The following BPTF variants were observed in gnomAD, a reference collection of about 807,000 sequenced individuals.
BPTF encodes nucleosome-remodeling factor subunit BPTF.
BPTF carries 18 observed loss-of-function variants against 292.5 expected under a neutral mutation model. That is an observed-to-expected ratio of 0.06 (90% CI 0.04 to 0.09). The LOEUF (loss-of-function observed/expected upper bound fraction) is 0.09. Ranked by LOEUF, BPTF falls within the 10% of genes least tolerant of loss-of-function variation. BPTF has a pLI of 1.00. For missense variants in BPTF, 2,726 were observed against 3,498.7 expected, an observed-to-expected ratio of 0.78 and a Z score of 5.57; for synonymous variants, 1,225 against 1,251.9, an observed-to-expected ratio of 0.98 and a Z score of 0.45.
intron 7 of BPTF, among the ~76,000 whole-genome samples, chr17:67,896,218 T>C (rs1438749638): frequency 6.6e-6 from 1 of 152,186 alleles, no homozygotes; most frequent in Non-Finnish European, 1.5e-5. Context: ...CGCCTTGGCC[T>C]CCCAAAGTGC....
intron 4 of BPTF, among the ~76,000 whole-genome samples, chr17:67,876,741 G>T (rs2060072708): frequency 6.6e-6 from 1 of 152,192 alleles, no homozygotes; most frequent in African/African-American, 2.4e-5. Flanking sequence ...ACGAGGTAGA[G>T]GTTGCAGTGA....
chr17:67,960,665 T>A (rs2067392580), intron 24 of BPTF, among the ~76,000 whole-genome samples: 1 of 152,202 alleles, frequency 6.6e-6, no homozygotes, highest in South Asian at 2.1e-4. Context: ...CCACCATACT[T>A]TTTACAGGAC....
At chr17:67,870,766 CTTTTTTTTTTTT>C (rs11418428) in intron 3 of BPTF, among the ~76,000 whole-genome samples, 44 of 106,380 alleles carry the variant, frequency 4.1e-4, no homozygotes, top group Non-Finnish European at 6.4e-4. Flanking sequence ...TGCTTCATTT[CTTTTTTTTTTTT>C]TTTTTTTTTG....
chr17:67,845,786 T>A (rs1191640555), intron 1 of BPTF, among the ~76,000 whole-genome samples: 1 of 149,676 alleles, frequency 6.7e-6, no homozygotes, highest in Non-Finnish European at 1.5e-5. Flanking sequence ...ATATATATAT[T>A]TTATTTTATA....
intron 24 of BPTF, 150 bp downstream of exon 24, chr17:67,960,025 C>A: frequency 1.6e-6 from 1 of 627,282 alleles, no homozygotes; most frequent in Non-Finnish European, 2.6e-6. Context: ...ATGTGATATT[C>A]TTACCATTGA....
chr17:67,898,264 G>A (rs947017759), intron 7 of BPTF, among the ~76,000 whole-genome samples: 3 of 152,158 alleles, frequency 2.0e-5, no homozygotes, highest in Non-Finnish European at 4.4e-5. Flanking sequence ...AGGAGGCTGA[G>A]GCAGGAGAAC....
At chr17:67,962,905 A>G (rs1423951192) in intron 24 of BPTF, among the ~76,000 whole-genome samples, 3 of 152,218 alleles carry the variant, frequency 2.0e-5, no homozygotes, top group Non-Finnish European at 2.9e-5. Context: ...TACATTTTCA[A>G]ACCTATCTAA....
intron 26 of BPTF, 140 bp from the exon 27 acceptor site, chr17:67,975,632 C>A (rs2069317135): frequency 3.3e-6 from 2 of 603,580 alleles, no homozygotes; most frequent in Non-Finnish European, 5.3e-6. Context: ...TTATGAATTG[C>A]AAAATAACCT....
intron 7 of BPTF, among the ~76,000 whole-genome samples, chr17:67,894,492 C>T (rs1025711546): frequency 6.6e-6 from 1 of 151,956 alleles, no homozygotes; most frequent in Non-Finnish European, 1.5e-5. Context: ...CTGTGCCCAG[C>T]TAATTATTTG....
chr17:67,957,764 GA>G (rs2067096247), intron 23 of BPTF, among the ~76,000 whole-genome samples: 1 of 152,214 alleles, frequency 6.6e-6, no homozygotes, highest in African/African-American at 2.4e-5. Flanking sequence ...GTTGAGGTGG[GA>G]GGATCACTTG....
chr17:67,948,743 T>C (rs782222947), intron 23 of BPTF, among the ~76,000 whole-genome samples: 4 of 152,136 alleles, frequency 2.6e-5, no homozygotes, highest in Admixed American at 6.5e-5. Flanking sequence ...CTTCCAGCAG[T>C]TGGGGAGGCC....
chr17:67,837,685 C>G (rs1428348503), intron 1 of BPTF, among the ~76,000 whole-genome samples: 1 of 152,224 alleles, frequency 6.6e-6, no homozygotes, highest in Non-Finnish European at 1.5e-5. Context: ...GCTGGGATTA[C>G]AGGCGTGAGC....
intron 19 of BPTF, among the ~76,000 whole-genome samples, chr17:67,940,962 C>G (rs1394261621): frequency 2.6e-5 from 4 of 152,202 alleles, no homozygotes; most frequent in South Asian, 2.1e-4. Flanking sequence ...CCTTGCAAGA[C>G]TCGATATTGT....
intron 7 of BPTF, 67 bp from the exon 8 acceptor site, chr17:67,903,722 A>G: frequency 2.1e-6 from 3 of 1,401,134 alleles, no homozygotes; most frequent in African/African-American, 1.5e-5. Context: ...ATTTTTCAGT[A>G]TTGCATTTTT....
At chr17:67,884,528 G>A (rs1347261051) in intron 4 of BPTF, among the ~76,000 whole-genome samples, 2 of 151,444 alleles carry the variant, frequency 1.3e-5, no homozygotes, top group African/African-American at 4.9e-5. Context: ...TGATCTTCCT[G>A]CCTCAGCCCC....
At position 67,913,142 on chromosome 17, in the gene BPTF, T is replaced by G. The variant is rs890075918; in HGVS notation, c.5258T>G (p.Ile1753Arg). 1 of 1,613,880 alleles carries G rather than the reference T, an allele frequency of 6.2e-7. No homozygotes were observed. Among genetic ancestry groups the G allele is most frequent in the Non-Finnish European group, 8.5e-7 (1 of 1,179,922 alleles). Residue 1753 changes from isoleucine (I) to arginine (R), a missense_variant, in exon 11 of 28, where the codon ATA (isoleucine) becomes AGA (arginine). Physicochemically the swap from Ile to Arg is moderately conservative, Grantham distance 97. Coordinates refer to ENST00000306378, the MANE Select transcript of BPTF (RefSeq NM_182641.4). ...FNYNAKPALD[I>R]WPYPSPRPTF... ...TACAATGCAAAACCTGCTTTGGATA[T>G]ATGGCCATATCCTTCTCCTAGACCG...
intron 15 of BPTF, among the ~76,000 whole-genome samples, chr17:67,925,612 G>A (rs1053689095): frequency 2.0e-5 from 3 of 152,178 alleles, no homozygotes; most frequent in African/African-American, 7.2e-5. Flanking sequence ...AGAAAATACT[G>A]TAAGAGTTTT....
At chr17:67,894,220 C>G (rs2061301137) in intron 7 of BPTF, 55 bp downstream of exon 7, 8 of 1,537,746 alleles carry the variant, frequency 5.2e-6, no homozygotes, top group Admixed American at 1.8e-5. Context: ...TTTTGAAATA[C>G]TAGCCTATTA....
rs1230695520 is a variant in BPTF, at chr17:67,842,263, A to G, written c.614-11677A>G. Among the ~76,000 whole-genome samples, 7 of 152,122 alleles carry G rather than the reference A, an allele frequency of 4.6e-5. No homozygotes were observed. The East Asian group carries it at 5.8e-4, about 13-fold the overall frequency. On this transcript the variant is annotated intron_variant, in intron 1 of 27. Coordinates refer to ENST00000306378, the MANE Select transcript of BPTF (RefSeq NM_182641.4). ...CATTGACAGATATATATCTACATACATATACAATGCATGCATGATACCTTT... is the reference window on the plus strand; with the variant it reads ...CATTGACAGATATATATCTACATACGTATACAATGCATGCATGATACCTTT...
Sources: gnomAD v4.1 joint callset for allele counts (sites outside exome capture counted in the v4.1 genomes callset) on GRCh38, gnomAD v4.1.1 for gene constraint, MANE v1.5 for transcripts, NCBI Gene and HGNC (gene_info 2026-07-23, HGNC 2026-07-21) for gene names.